FANCC: variants seen among roughly 807,000 people sequenced by gnomAD.
FANCC encodes the protein Fanconi anemia group C protein.
Under a neutral mutation model 71.3 loss-of-function variants are expected in FANCC, and 55 were observed. That is an observed-to-expected ratio of 0.77 (90% CI 0.62 to 0.97). FANCC has a LOEUF of 0.97. Ranked by LOEUF, FANCC falls within the 50% of genes least tolerant of loss-of-function variation. The pLI, the probability that FANCC is intolerant of heterozygous loss-of-function variation, is 0.00. For missense variants in FANCC, 678 were observed against 670.9 expected (o/e 1.01, Z -0.12); for synonymous variants, 275 against 244.9 (o/e 1.12, Z -1.15).
intron 1 of FANCC, among the ~76,000 whole-genome samples, chr9:95,273,190 G>C (rs1349679276): frequency 6.6e-6 from 1 of 152,238 alleles, no homozygotes; most frequent in Non-Finnish European, 1.5e-5. Context: ...TGGTGAACGA[G>C]TCACTAAATG....
intron 1 of FANCC, among the ~76,000 whole-genome samples, chr9:95,310,415 C>G (rs1461505199): frequency 6.6e-6 from 1 of 151,890 alleles, no homozygotes; most frequent in Admixed American, 6.6e-5. Flanking sequence ...AAGAAACTGG[C>G]AAGTCCAGAA....
At chr9:95,230,502 G>A (rs939925503) in intron 4 of FANCC, among the ~76,000 whole-genome samples, 2 of 152,142 alleles carry the variant, frequency 1.3e-5, no homozygotes, top group Non-Finnish European at 2.9e-5. Context: ...TGAAGCCGCG[G>A]ACTCTCGCAG....
intron 1 of FANCC, among the ~76,000 whole-genome samples, chr9:95,275,461 C>T (rs897847823): frequency 1.3e-5 from 2 of 151,992 alleles, no homozygotes; most frequent in Admixed American, 1.3e-4. Context: ...ATGTACAACA[C>T]CAAGAGTAAA....
chr9:95,173,613 C>A (rs1825828099), intron 4 of FANCC, among the ~76,000 whole-genome samples: 1 of 152,088 alleles, frequency 6.6e-6, no homozygotes. Context: ...TCACTGTAAG[C>A]CACTAAAATG....
At position 95,100,478 on chromosome 9, in the gene FANCC, A is replaced by G; in HGVS notation, c.*1229T>C. 4.3e-6 allele frequency: 1 copy of G among 231,978 alleles called. No individual in the cohort carries two copies. The highest frequency in any genetic ancestry group is 6.1e-5 in the East Asian group (1 of 16,426). 14.4% of individuals were successfully genotyped at this position (231,978 alleles called of 1,614,324 possible). A position where few individuals can be genotyped will look rare whatever the true frequency, so the allele number is the denominator to read the frequency against. ...AAACGGAGCCAAGACTCAGACTAAT[A>G]CACACAAATCAAAATGGACAAAAGC... On this transcript the variant is annotated 3_prime_UTR_variant, in exon 15 of 15. Coordinates refer to ENST00000289081, the MANE Select transcript of FANCC (RefSeq NM_000136.3).
intron 4 of FANCC, among the ~76,000 whole-genome samples, chr9:95,212,255 AG>A (rs1174245401): frequency 3.9e-5 from 6 of 152,180 alleles, no homozygotes; most frequent in Non-Finnish European, 7.3e-5. Context: ...GCACAAATAG[AG>A]GAATCTCGAA....
At chr9:95,275,778 G>A (rs1460979488) in intron 1 of FANCC, among the ~76,000 whole-genome samples, 1 of 152,154 alleles carries the variant, frequency 6.6e-6, no homozygotes, top group Non-Finnish European at 1.5e-5. Context: ...CAGCTGCTCA[G>A]GAGGCTAAGG....
chr9:95,112,374 A>C (rs889825617), intron 12 of FANCC, among the ~76,000 whole-genome samples: 2 of 151,982 alleles, frequency 1.3e-5, no homozygotes, highest in African/African-American at 4.8e-5. Context: ...CCTTTGTTGG[A>C]TCTTCCTGCA....
At chr9:95,276,197 A>C (rs1012857334) in intron 1 of FANCC, among the ~76,000 whole-genome samples, 1 of 152,218 alleles carries the variant, frequency 6.6e-6, no homozygotes, top group Non-Finnish European at 1.5e-5. Context: ...CACCAGGATG[A>C]ATGAATTTTC....
intron 1 of FANCC, among the ~76,000 whole-genome samples, chr9:95,299,533 T>G (rs1234503163): frequency 6.6e-6 from 1 of 152,188 alleles, no homozygotes; most frequent in Non-Finnish European, 1.5e-5. Context: ...CTTAACCCTC[T>G]GTCAAATAAA....
intron 6 of FANCC, among the ~76,000 whole-genome samples, chr9:95,167,444 G>T (rs1825375462): frequency 6.6e-6 from 1 of 152,044 alleles, no homozygotes; most frequent in Admixed American, 6.6e-5. Flanking sequence ...TGTGTGTATT[G>T]TTCCATTTGA....
chr9:95,191,680 C>T (rs1249049778), intron 4 of FANCC, among the ~76,000 whole-genome samples: 2 of 152,064 alleles, frequency 1.3e-5, no homozygotes, highest in East Asian at 1.9e-4. Context: ...TCATCTTTGC[C>T]ACCCAAGAAC....
At chr9:95,265,358 C>T (rs1346761835) in intron 1 of FANCC, among the ~76,000 whole-genome samples, 1 of 152,154 alleles carries the variant, frequency 6.6e-6, no homozygotes, top group Non-Finnish European at 1.5e-5. Context: ...AATTCTCCCA[C>T]CCAAGACCTC....
intron 4 of FANCC, among the ~76,000 whole-genome samples, chr9:95,227,255 C>G (rs113455264): frequency 6.6e-6 from 1 of 152,166 alleles, no homozygotes; most frequent in Non-Finnish European, 1.5e-5. Context: ...TCCAACTTGC[C>G]TTGCCTGCAG....
intron 4 of FANCC, among the ~76,000 whole-genome samples, chr9:95,210,071 C>G (rs1828394868): frequency 6.6e-6 from 1 of 152,132 alleles, no homozygotes; most frequent in African/African-American, 2.4e-5. Flanking sequence ...AATACACCAT[C>G]AAGCAAACAA....
intron 7 of FANCC, among the ~76,000 whole-genome samples, chr9:95,141,370 T>C (rs1828666308): frequency 6.8e-6 from 1 of 147,470 alleles, no homozygotes; most frequent in Non-Finnish European, 1.5e-5. Flanking sequence ...GTTTCCATCA[T>C]GGATAAACAA....
chr9:95,314,271 T>G (rs1251753215), intron 1 of FANCC, among the ~76,000 whole-genome samples: 1 of 152,268 alleles, frequency 6.6e-6, no homozygotes, highest in Admixed American at 6.5e-5. Flanking sequence ...TATGTTTATA[T>G]ACTGACAACA....
At chr9:95,223,292 C>T (rs904508530) in intron 4 of FANCC, among the ~76,000 whole-genome samples, 7 of 152,188 alleles carry the variant, frequency 4.6e-5, no homozygotes, top group African/African-American at 1.7e-4. Context: ...AAATGCCTCT[C>T]CCTACACTTC....
chr9:95,289,411 G>A (rs1833877711), intron 1 of FANCC, among the ~76,000 whole-genome samples: 2 of 152,062 alleles, frequency 1.3e-5, no homozygotes, highest in South Asian at 4.2e-4. Context: ...ACTGAACCTT[G>A]AAGTGCGCGT....
Sources: gnomAD v4.1 joint callset for allele counts (sites outside exome capture counted in the v4.1 genomes callset) on GRCh38, gnomAD v4.1.1 for gene constraint, MANE v1.5 for transcripts, NCBI Gene and HGNC (gene_info 2026-07-23, HGNC 2026-07-21) for gene names.